The following ERC2 variants were observed in gnomAD, a reference collection of about 807,000 sequenced individuals.
The protein encoded by ERC2 is ERC protein 2.
A neutral mutation model predicts 114.8 loss-of-function variants in ERC2; 42 were observed. That is an observed-to-expected ratio of 0.37 (90% CI 0.29 to 0.47). ERC2 has a LOEUF of 0.47. ERC2 is among the 20% of genes least tolerant of loss of function. The pLI is 0.99. For missense variants in ERC2, 939 were observed against 1,150.7 expected, an observed-to-expected ratio of 0.82 and a Z score of 2.66; for synonymous variants, 454 against 425.5, an observed-to-expected ratio of 1.07 and a Z score of -0.82.
At chr3:55,755,098 T>C (rs2066966008) in intron 14 of ERC2, among the ~76,000 whole-genome samples, 1 of 151,832 alleles carries the variant, frequency 6.6e-6, no homozygotes, top group Admixed American at 6.6e-5. Context: ...TTTTTTTTCA[T>C]CTTAGCCATT....
chr3:55,959,153 C>T (rs533007137), intron 12 of ERC2, among the ~76,000 whole-genome samples: 1 of 152,296 alleles, frequency 6.6e-6, no homozygotes, highest in African/African-American at 2.4e-5. Context: ...ATTGACTTTC[C>T]TACCCAAGCC....
intron 14 of ERC2, among the ~76,000 whole-genome samples, chr3:55,879,154 C>T (rs1161815296): frequency 3.1e-4 from 38 of 122,888 alleles, no homozygotes; most frequent in African/African-American, 1.0e-3. Flanking sequence ...AGGGAAGGAA[C>T]GAAAAAGAGC....
chr3:56,462,039 T>C (rs1259686915), intron 1 of ERC2, among the ~76,000 whole-genome samples: 2 of 152,162 alleles, frequency 1.3e-5, no homozygotes, highest in African/African-American at 4.8e-5. Context: ...CTGCAGCACC[T>C]TCTGACCTTA....
At chr3:55,644,015 G>A (rs1425024551) in intron 17 of ERC2, among the ~76,000 whole-genome samples, 4 of 151,914 alleles carry the variant, frequency 2.6e-5, no homozygotes, top group South Asian at 2.1e-4. Context: ...GGGTCTTTAC[G>A]GACAGGATGA....
At chr3:55,559,352 A>G (rs1254796586) in intron 17 of ERC2, among the ~76,000 whole-genome samples, 1 of 152,244 alleles carries the variant, frequency 6.6e-6, no homozygotes, top group Non-Finnish European at 1.5e-5. Flanking sequence ...GTGTGCATGC[A>G]CTTAAGGCCC....
intron 6 of ERC2, among the ~76,000 whole-genome samples, chr3:56,111,285 C>G (rs1008218626): frequency 6.6e-6 from 1 of 151,774 alleles, no homozygotes; most frequent in Non-Finnish European, 1.5e-5. Flanking sequence ...CTCGCTCCCT[C>G]TTTCTCTCTC....
intron 3 of ERC2, among the ~76,000 whole-genome samples, chr3:56,258,806 A>C (rs2052705051): frequency 6.6e-6 from 1 of 152,208 alleles, no homozygotes; most frequent in Non-Finnish European, 1.5e-5. Flanking sequence ...AGCAGCATGT[A>C]TCATAGAGAG....
Position 56,261,483 on chromosome 3 carries a change from C to T in ERC2, c.1074+34536G>A, listed in dbSNP as rs550188287. Among the ~76,000 whole-genome samples, 4 of 152,254 alleles carry T rather than the reference C, an allele frequency of 2.6e-5. No homozygotes were observed. The East Asian group carries it at 7.7e-4, about 29-fold the overall frequency. On this transcript the variant is annotated intron_variant, in intron 3 of 17. Transcript: ENST00000288221. ...CCTGAACTTCCTCTGATCCTCCCTG[C>T]CTCTCCTACACCCCAGCCATTAAAT...
At chr3:56,400,191 A>G (rs1233316053) in intron 2 of ERC2, among the ~76,000 whole-genome samples, 1 of 152,176 alleles carries the variant, frequency 6.6e-6, no homozygotes, top group Non-Finnish European at 1.5e-5. Context: ...TAAAACATTT[A>G]TGGAGGAACT....
chr3:55,949,753 A>C (rs1185601854), intron 13 of ERC2, among the ~76,000 whole-genome samples: 1 of 152,228 alleles, frequency 6.6e-6, no homozygotes, highest in African/African-American at 2.4e-5. Flanking sequence ...GCTCTGTTTA[A>C]AGGCACACTG....
intron 13 of ERC2, among the ~76,000 whole-genome samples, chr3:55,891,659 A>C (rs1306375685): frequency 3.3e-5 from 5 of 151,692 alleles, no homozygotes; most frequent in Admixed American, 6.6e-5. Flanking sequence ...GTTGGCCAGG[A>C]TGGTCTGAGT....
intron 7 of ERC2, among the ~76,000 whole-genome samples, chr3:56,024,600 C>T (rs547508255): frequency 6.6e-6 from 1 of 152,176 alleles, no homozygotes; most frequent in African/African-American, 2.4e-5. Context: ...GGCATACAGC[C>T]CAACTGCAAG....
chr3:55,627,474 AAAAAAAG>A (rs1172159061), intron 17 of ERC2, among the ~76,000 whole-genome samples: 2 of 152,178 alleles, frequency 1.3e-5, no homozygotes, highest in Non-Finnish European at 2.9e-5. Flanking sequence ...TCAAAAAAGA[AAAAAAAG>A]AAAAAAGAAA....
At chr3:56,288,021 G>C (rs1223201363) in intron 3 of ERC2, among the ~76,000 whole-genome samples, 3 of 152,154 alleles carry the variant, frequency 2.0e-5, no homozygotes, top group African/African-American at 7.2e-5. Flanking sequence ...TGAGGAAATA[G>C]TTAAAACGGA....
intron 4 of ERC2, among the ~76,000 whole-genome samples, chr3:56,165,881 T>G (rs893142010): frequency 2.1e-5 from 3 of 146,004 alleles, no homozygotes; most frequent in South Asian, 4.3e-4. Context: ...AACAAAAATG[T>G]TTTTTTTTTC....
intron 14 of ERC2, among the ~76,000 whole-genome samples, chr3:55,808,325 T>C (rs1328584826): frequency 6.6e-6 from 1 of 152,166 alleles, no homozygotes; most frequent in Non-Finnish European, 1.5e-5. Flanking sequence ...CCTATGGCTG[T>C]TTTTGTTGGG....
At chr3:55,636,536 A>C (rs1280195995) in intron 17 of ERC2, among the ~76,000 whole-genome samples, 1 of 152,202 alleles carries the variant, frequency 6.6e-6, no homozygotes, top group East Asian at 1.9e-4. Context: ...ACATGTGTTC[A>C]ATGAACAAAT....
chr3:56,040,998 CTCAT>C (rs2075160117), intron 7 of ERC2, among the ~76,000 whole-genome samples: 1 of 151,904 alleles, frequency 6.6e-6, no homozygotes. Context: ...CTTGTAATCA[CTCAT>C]TCAATCAATT....
chr3:55,927,335 C>T (rs943736942), intron 13 of ERC2, among the ~76,000 whole-genome samples: 4 of 152,136 alleles, frequency 2.6e-5, no homozygotes, highest in Non-Finnish European at 5.9e-5. Flanking sequence ...AAGCCTTGTC[C>T]CACTCAATTC....
Sources: gnomAD v4.1 joint callset for allele counts (sites outside exome capture counted in the v4.1 genomes callset) on GRCh38, gnomAD v4.1.1 for gene constraint, MANE v1.5 for transcripts, NCBI Gene and HGNC (gene_info 2026-07-23, HGNC 2026-07-21) for gene names.